Variants in PTPRN2 observed in about 807,000 individuals in gnomAD.
PTPRN2 encodes the protein receptor-type tyrosine-protein phosphatase N2.
Under a neutral mutation model 118.8 loss-of-function variants are expected in PTPRN2, and 74 were observed. The observed-to-expected ratio is 0.62, with a 90% confidence interval of 0.52 to 0.76. PTPRN2 has a LOEUF of 0.76. PTPRN2 is among the 30% of genes least tolerant of loss of function. The pLI is 0.00. For synonymous variants in PTPRN2, 641 were observed against 608.0 expected (o/e 1.05, Z -0.80); for missense variants, 1,481 against 1,394.4 (o/e 1.06, Z -0.99).
chr7:158,372,168 C>A (rs553933772), intron 2 of PTPRN2, among the ~76,000 whole-genome samples: 1 of 152,078 alleles, frequency 6.6e-6, no homozygotes, highest in Non-Finnish European at 1.5e-5. Flanking sequence ...CTGCCCACCC[C>A]GTGCTGGTCC....
intron 3 of PTPRN2, among the ~76,000 whole-genome samples, chr7:158,305,701 G>A (rs1382861726): frequency 6.7e-6 from 1 of 149,880 alleles, no homozygotes; most frequent in Non-Finnish European, 1.5e-5. Flanking sequence ...CTTCATAAAA[G>A]CAATGAGAAA....
At chr7:158,580,429 T>G (rs1288245948) in intron 1 of PTPRN2, among the ~76,000 whole-genome samples, 1 of 152,208 alleles carries the variant, frequency 6.6e-6, no homozygotes, top group Non-Finnish European at 1.5e-5. Flanking sequence ...ACAAACCATT[T>G]CTAAACATGC....
At position 158,009,843 on chromosome 7, in the gene PTPRN2, C is replaced by T. The variant is rs186103428; in HGVS notation, c.1723+71455G>A. On this transcript the variant is annotated intron_variant, in intron 11 of 22. Transcript: ENST00000389418. ...GGATCTATGAGCATTGCTAATGACA[C>T]ACTCACTGCACACTTGAAACTCTTG... is the stretch of plus-strand genomic sequence containing the variant. Among the ~76,000 whole-genome samples, 7 of 152,320 alleles carry T rather than the reference C, an allele frequency of 4.6e-5. No homozygotes were observed. In the East Asian group the frequency reaches 1.4e-3, roughly 29 times the overall value.
chr7:157,837,153 T>TTCCATGTG (rs1808016350), intron 12 of PTPRN2, among the ~76,000 whole-genome samples: 1 of 106,156 alleles, frequency 9.4e-6, no homozygotes, highest in African/African-American at 3.7e-5. Flanking sequence ...ACATCCGCCC[T>TTCCATGTG]TCCGTGTGTC....
chr7:157,544,315 C>T (rs1798169046), intron 22 of PTPRN2, among the ~76,000 whole-genome samples: 1 of 152,200 alleles, frequency 6.6e-6, no homozygotes, highest in African/African-American at 2.4e-5. Flanking sequence ...TCTGTCACTC[C>T]GGTGCTGTGC....
intron 3 of PTPRN2, among the ~76,000 whole-genome samples, chr7:158,274,630 T>C (rs1798840386): frequency 6.6e-6 from 1 of 152,160 alleles, no homozygotes; most frequent in Non-Finnish European, 1.5e-5. Context: ...CTGGGAACGC[T>C]GTGGAAATGT....
rs1375774915 is a variant in PTPRN2 at position 157,779,408 on chromosome 7, C to T, written c.1789-96471G>A. Among the ~76,000 whole-genome samples the T allele has an allele frequency of 6.6e-6, 1 of 152,190 alleles. No homozygotes were observed. Among genetic ancestry groups the T allele is most frequent in the Non-Finnish European group, 1.5e-5 (1 of 68,034 alleles). The stretch of plus-strand genomic sequence containing the variant: ...CCAAAGAAGACCGTGTTTCCTGGGA[C>T]CCTGCAGGCTGCCAGAATGACCGCC... On this transcript the variant is annotated intron_variant, in intron 12 of 22. Coordinates refer to ENST00000389418, the MANE Select transcript of PTPRN2 (RefSeq NM_002847.5). This position sits in a 1 kb window ranked among gnomAD's most constrained non-coding sequence, Gnocchi z 4.7.
intron 1 of PTPRN2, among the ~76,000 whole-genome samples, chr7:158,506,934 A>C (rs1432812391): frequency 6.6e-6 from 1 of 152,210 alleles, no homozygotes; most frequent in Non-Finnish European, 1.5e-5. Flanking sequence ...CCAATCATGA[A>C]GGACACCGCT....
chr7:157,888,883 T>C (rs1435406314), intron 12 of PTPRN2, among the ~76,000 whole-genome samples: 1 of 152,180 alleles, frequency 6.6e-6, no homozygotes, highest in Non-Finnish European at 1.5e-5. Context: ...TAAAATGAGA[T>C]AGAACTAGAC....
At chr7:158,274,358 A>AG (rs1411445910) in intron 3 of PTPRN2, among the ~76,000 whole-genome samples, 2 of 37,216 alleles carry the variant, frequency 5.4e-5, no homozygotes, top group African/African-American at 2.4e-4. Context: ...CCACAGACAC[A>AG]GGGGGAGCCG....
rs576929891 is a variant in PTPRN2 at position 158,145,858 on chromosome 7, T to A, written c.911-7343A>T. ...AGGCTGGACTCCCATGAAGAAAGGC[T>A]GACCATGCTCCCGGAGTCTTGGCCC... On this transcript the variant is annotated intron_variant, in intron 6 of 22. Transcript: ENST00000389418. Among the ~76,000 whole-genome samples, 3 of 152,322 alleles carry A rather than the reference T, an allele frequency of 2.0e-5. No homozygotes were observed. In the East Asian group the frequency reaches 5.8e-4, roughly 29 times the overall value.
chr7:158,542,295 C>G (rs574621036), intron 1 of PTPRN2, among the ~76,000 whole-genome samples: 1 of 152,162 alleles, frequency 6.6e-6, no homozygotes, highest in East Asian at 1.9e-4. Context: ...GGATTACAGG[C>G]GCACGCCACC....
intron 12 of PTPRN2, among the ~76,000 whole-genome samples, chr7:157,819,532 C>T (rs550902173): frequency 3.1e-4 from 47 of 149,762 alleles, no homozygotes; most frequent in Admixed American, 2.8e-3. Context: ...AAGCACACAC[C>T]GAGCGGCCAC....
At chr7:157,555,069 C>T (rs1478479034) in intron 21 of PTPRN2, among the ~76,000 whole-genome samples, 1 of 149,496 alleles carries the variant, frequency 6.7e-6, no homozygotes, top group Admixed American at 6.6e-5. Flanking sequence ...GGAAGACCCA[C>T]CTCTCTCGTG....
At chr7:158,224,122 T>C (rs1828575599) in intron 3 of PTPRN2, among the ~76,000 whole-genome samples, 1 of 152,142 alleles carries the variant, frequency 6.6e-6, no homozygotes, top group South Asian at 2.1e-4. Context: ...TCAAAATAAA[T>C]GACAGACATA....
chr7:158,071,530 TCG>T (rs1811661496), intron 11 of PTPRN2, among the ~76,000 whole-genome samples: 31 of 128,416 alleles, frequency 2.4e-4, no homozygotes, highest in South Asian at 5.1e-4. Context: ...GTGGAGATGC[TCG>T]TGATGATGGA....
At chr7:157,911,863 T>G (rs773928486) in intron 11 of PTPRN2, among the ~76,000 whole-genome samples, 12 of 152,238 alleles carry the variant, frequency 7.9e-5, no homozygotes, top group Non-Finnish European at 1.5e-4. Flanking sequence ...TTCCGTCTTC[T>G]GCTAACCCTG....
rs191811666 is a variant in PTPRN2 at position 157,684,034 on chromosome 7, T to G, written c.1789-1097A>C. On this transcript the variant is annotated intron_variant, in intron 12 of 22. Transcript: ENST00000389418. ...TCTATTAGTAATTTTCTGCTCCGTA[T>G]TCAGCCTCCCAACTCTTCATTTCCT... is the stretch of plus-strand genomic sequence containing the variant. Among the ~76,000 whole-genome samples the G allele has an allele frequency of 1.6e-4, 24 of 152,260 alleles. 1 individual carries two copies. The highest frequency in any genetic ancestry group is 1.2e-3 in the Admixed American group (18 of 15,302).
chr7:158,005,636 G>A (rs999627162), intron 11 of PTPRN2, among the ~76,000 whole-genome samples: 38 of 152,168 alleles, frequency 2.5e-4, no homozygotes, highest in African/African-American at 8.9e-4. Flanking sequence ...TGGGGTGCAG[G>A]GGGAGGTGCA....
Sources: allele counts gnomAD v4.1 joint callset (sites outside exome capture counted in the v4.1 genomes callset), GRCh38; gene constraint gnomAD v4.1.1; non-coding constraint Gnocchi (gnomAD v3.1); transcripts MANE v1.5; gene names NCBI Gene and HGNC (gene_info 2026-07-23, HGNC 2026-07-21).